The following PKHD1L1 variants were observed in gnomAD, a reference collection of about 807,000 sequenced individuals.
PKHD1L1 encodes PKHD1 like 1.
PKHD1L1 carries 434 observed loss-of-function variants against 462.9 expected under a neutral mutation model. The observed-to-expected ratio is 0.94, with a 90% CI of 0.87 to 1.02. PKHD1L1 has a LOEUF of 1.02. Among genes scored for constraint, PKHD1L1 ranks in the 50% least tolerant of loss-of-function variants. The pLI is 0.00. For synonymous variants in PKHD1L1, 1,781 were observed against 1,750.0 expected, an observed-to-expected ratio of 1.02 and a Z score of -0.44; for missense variants, 5,202 against 5,096.1, an observed-to-expected ratio of 1.02 and a Z score of -0.63.
At chr8:109,487,893 G>GAAGGAAGA (rs1818623608) in intron 59 of PKHD1L1, among the ~76,000 whole-genome samples, 1 of 120,120 alleles carries the variant, frequency 8.3e-6, no homozygotes, top group African/African-American at 3.1e-5. Context: ...AGAGAGAGAG[G>GAAGGAAGA]AAGGAAGGAA....
rs765230353 is a variant in PKHD1L1 at position 109,430,039 on chromosome 8, T to C, written c.3229+2T>C. ...TCTTGGCGATAAGCCCTTCTCAAGG[T>C]AACTTCCTGATTTTTAACCTATACT... On this transcript the variant is annotated splice_donor_variant, in intron 27 of 77. Transcript: ENST00000378402. LOFTEE classifies it high-confidence loss of function. The C allele has an allele frequency of 1.3e-6, 2 of 1,594,756 alleles. No individual in the cohort carries two copies. The highest frequency in any genetic ancestry group is 3.5e-5 in the Admixed American group (2 of 56,470).
At chr8:109,484,012 T>A (rs1818403506) in intron 57 of PKHD1L1, among the ~76,000 whole-genome samples, 6 of 151,852 alleles carry the variant, frequency 4.0e-5, no homozygotes. Flanking sequence ...AGCTCTCAGA[T>A]CTCAGCCAGT....
At chr8:109,375,582 T>G (rs1028995412) in intron 2 of PKHD1L1, among the ~76,000 whole-genome samples, 5 of 152,158 alleles carry the variant, frequency 3.3e-5, no homozygotes, top group African/African-American at 1.2e-4. Context: ...GTGCTCTGAT[T>G]TTTAGAGTTT....
intron 19 of PKHD1L1, among the ~76,000 whole-genome samples, chr8:109,410,936 C>T (rs2130595765): frequency 6.6e-6 from 1 of 151,498 alleles, no homozygotes; most frequent in African/African-American, 2.4e-5. Context: ...ACAATGTTGG[C>T]CAGGATGGTC....
Position 109,486,717 on chromosome 8 carries a change from G to A in PKHD1L1, c.9776G>A (p.Arg3259Lys), listed in dbSNP as rs1434335455. Reference protein sequence around the residue: ...TLAADVGILSRNIKIVGEDYP... With the variant: ...TLAADVGILSKNIKIVGEDYP... ...GCAGCTGATGTTGGGATACTGAGTA[G>A]GAACATCAAAATAGTTGGTGAAGAT... is the stretch of plus-strand genomic sequence containing the variant. Residue 3259 changes from arginine to lysine, a missense_variant, in exon 59 of 78, where the codon AGG becomes AAG. Transcript: ENST00000378402. The A allele has an allele frequency of 2.5e-6, 4 of 1,612,458 alleles. No homozygotes were observed. Among genetic ancestry groups the A allele is most frequent in the Non-Finnish European group, 3.4e-6 (4 of 1,178,888 alleles).
At chr8:109,502,817 G>A (rs1196532526) in intron 67 of PKHD1L1, among the ~76,000 whole-genome samples, 1 of 152,252 alleles carries the variant, frequency 6.6e-6, no homozygotes, top group Non-Finnish European at 1.5e-5. Flanking sequence ...CTCAGCTGAA[G>A]TTCAGCTTCT....
chr8:109,494,191 T>C (rs1239526750), intron 63 of PKHD1L1, among the ~76,000 whole-genome samples: 4 of 151,988 alleles, frequency 2.6e-5, no homozygotes, highest in African/African-American at 9.7e-5. Context: ...TTCTCAAATA[T>C]AGATTTCTCT....
At position 109,438,891 on chromosome 8, in the gene PKHD1L1, T is replaced by C. The variant is rs781188779; in HGVS notation, c.3761-6T>C. ...TTGCATTATTTTTTAAATTTTAAAA[T>C]ACCAGGAGAAGTTAATTTAACAATT... is the stretch of plus-strand genomic sequence containing the variant. On this transcript the variant is annotated splice_region_variant and splice_polypyrimidine_tract_variant and intron_variant, in intron 31 of 77. Transcript: ENST00000378402. The C allele has an allele frequency of 1.3e-6, 2 of 1,574,966 alleles. No individual in the cohort carries two copies. Among genetic ancestry groups the C allele is most frequent in the Middle Eastern group, 3.4e-4 (2 of 5,894 alleles).
rs750911367 is a variant in PKHD1L1, at chr8:109,419,129, T to C, written c.2393T>C (p.Leu798Pro). Residue 798 changes from leucine to proline, a missense_variant, in exon 22 of 78, where the codon CTC (leucine) becomes CCC (proline). By Grantham distance (98) the Leu-to-Pro change is moderately conservative (BLOSUM62 -3). Coordinates refer to ENST00000378402, the MANE Select transcript of PKHD1L1 (RefSeq NM_177531.6). ...TACACTTGCATAGACCTTCTGGATC[T>C]CGTAAGAACGAAATACACTGGGACA... is the stretch of plus-strand genomic sequence containing the variant. ...WTYTCIDLLDLVRTKYTGTNV... is the reference protein window; with the variant it reads ...WTYTCIDLLDPVRTKYTGTNV... 3.7e-6 allele frequency: 6 copies of C among 1,613,520 alleles called. No individual in the cohort carries two copies. In the Admixed American group the frequency reaches 1.0e-4, roughly 27 times the overall value.
chr8:109,481,859 A>G (rs1349546872), intron 56 of PKHD1L1, among the ~76,000 whole-genome samples: 1 of 151,814 alleles, frequency 6.6e-6, no homozygotes, highest in Non-Finnish European at 1.5e-5. Flanking sequence ...ATCTCTTTGT[A>G]TGTATATTAT....
At chr8:109,457,364 A>G (rs2130806506) in intron 46 of PKHD1L1, among the ~76,000 whole-genome samples, 1 of 152,310 alleles carries the variant, frequency 6.6e-6, no homozygotes, top group Admixed American at 6.5e-5. Context: ...AAAAAGCAGG[A>G]AAATGATAGG....
Position 109,526,779 on chromosome 8 carries a change from TCCAGGAA to T in PKHD1L1, c.12485-4_12487del. On this transcript the variant is annotated splice_acceptor_variant and splice_polypyrimidine_tract_variant and coding_sequence_variant and intron_variant, in exon 77 of 78. Coordinates refer to ENST00000378402, the MANE Select transcript of PKHD1L1 (RefSeq NM_177531.6). LOFTEE classifies it high-confidence loss of function. ...ATCAAACACTATGATGCTTTTTTTTTCCAGGAAAAAATTATAAGATTGAATTTATACT... is the reference window on the plus strand; with the variant it reads ...ATCAAACACTATGATGCTTTTTTTTTAAAATTATAAGATTGAATTTATACT... The T allele has an allele frequency of 1.9e-6, 3 of 1,544,906 alleles. No individual in the cohort carries two copies. Among genetic ancestry groups the T allele is most frequent in the Admixed American group, 2.0e-5 (1 of 50,360 alleles).
intron 57 of PKHD1L1, among the ~76,000 whole-genome samples, chr8:109,484,087 A>G (rs1281307682): frequency 1.3e-5 from 2 of 151,898 alleles, no homozygotes; most frequent in Non-Finnish European, 2.9e-5. Context: ...GGGCAAATCA[A>G]TGCAAATCAT....
At chr8:109,387,061 C>T (rs1368348190) in intron 6 of PKHD1L1, among the ~76,000 whole-genome samples, 1 of 152,022 alleles carries the variant, frequency 6.6e-6, no homozygotes, top group Non-Finnish European at 1.5e-5. Context: ...TCTCATTTCT[C>T]CCATGTTAAT....
At chr8:109,505,212 A>G (rs762887303) in intron 68 of PKHD1L1, among the ~76,000 whole-genome samples, 2 of 152,076 alleles carry the variant, frequency 1.3e-5, no homozygotes, top group Non-Finnish European at 2.9e-5. Context: ...CTCCAATGAC[A>G]GTCATTAATA....
rs1444294651 is a variant in PKHD1L1 at position 109,526,873 on chromosome 8, A to G, written c.12574A>G (p.Ser4192Gly). Residue 4192 changes from serine (S) to glycine (G), a missense_variant, in exon 77 of 78, where the codon AGT (serine) becomes GGT (glycine). Physicochemically the swap from Ser to Gly is moderately conservative, Grantham distance 56. Coordinates refer to ENST00000378402, the MANE Select transcript of PKHD1L1 (RefSeq NM_177531.6). ...CCTGCTGGCAGAGTCTGTCTCTAGC[A>G]GTGGCAGCAGCAGCAGCAGCAACAG... ...FSLLAESVSS[S>G]GSSSSSNSKA... The G allele has an allele frequency of 6.2e-7, 1 of 1,607,228 alleles. No homozygotes were observed. The highest frequency in any genetic ancestry group is 8.5e-7 in the Non-Finnish European group (1 of 1,176,918).
chr8:109,381,388 A>G lies in PKHD1L1; in HGVS notation c.182A>G (p.Gln61Arg), dbSNP rs753391710. 33 of 1,575,520 alleles carry G rather than the reference A, an allele frequency of 2.1e-5. No homozygotes were observed. In the Admixed American group the frequency reaches 2.9e-4, roughly 14 times the overall value. ...IRGEGFSQAN[Q>R]FNYGVDNAEL... ...TTTCCAGGTTTTTCTCAAGCAAACC[A>G]GTTTAACTATGGAGTTGATAACGCT... Residue 61 changes from glutamine (Q) to arginine (R), a missense_variant, in exon 3 of 78, where the codon CAG becomes CGG. Coordinates refer to ENST00000378402, the MANE Select transcript of PKHD1L1 (RefSeq NM_177531.6).
chr8:109,370,776 G>A (rs917272591), intron 2 of PKHD1L1, among the ~76,000 whole-genome samples: 12 of 151,922 alleles, frequency 7.9e-5, no homozygotes, highest in African/African-American at 1.7e-4. Flanking sequence ...TTTTGTCCTC[G>A]CGATAGCTTG....
intron 36 of PKHD1L1, 22 bp from the exon 37 acceptor site, chr8:109,443,654 C>T (rs760393730): frequency 1.1e-5 from 17 of 1,560,428 alleles, no homozygotes; most frequent in African/African-American, 2.7e-5. Context: ...CATGACTTAA[C>T]GGGCAGTTCT....
Sources: allele counts gnomAD v4.1 joint callset (sites outside exome capture counted in the v4.1 genomes callset), GRCh38; gene constraint gnomAD v4.1.1; transcripts MANE v1.5; gene names NCBI Gene and HGNC (gene_info 2026-07-23, HGNC 2026-07-21).